Variants in LUZP2 observed in about 807,000 individuals in gnomAD.
LUZP2 encodes leucine zipper protein 2.
Under a neutral mutation model 51.6 loss-of-function variants are expected in LUZP2, and 52 were observed. The ratio of observed to expected loss-of-function variants is 1.01; its 90% CI spans 0.81 to 1.27. LUZP2 has a LOEUF of 1.27. Among genes scored for constraint, LUZP2 ranks in the 50% most tolerant of loss-of-function variants. LUZP2 has a pLI of 0.00. For synonymous variants in LUZP2, 154 were observed against 137.3 expected (o/e 1.12, Z -0.85); for missense variants, 436 against 395.4 (o/e 1.10, Z -0.87).
intron 5 of LUZP2, among the ~76,000 whole-genome samples, chr11:24,800,829 TA>T (rs1165532905): frequency 2.0e-5 from 3 of 152,164 alleles, no homozygotes; most frequent in Non-Finnish European, 4.4e-5. Context: ...GAATTTTTTC[TA>T]AAACCCTGCA....
chr11:24,726,263 C>G (rs1388332339), intron 1 of LUZP2, among the ~76,000 whole-genome samples: 1 of 152,068 alleles, frequency 6.6e-6, no homozygotes, highest in East Asian at 1.9e-4. Context: ...ATTTTTCACT[C>G]ATGCCATTAG....
At chr11:24,904,535 A>G (rs10834543) in intron 5 of LUZP2, among the ~76,000 whole-genome samples, 90,328 of 151,848 alleles carry the variant, frequency 0.59, 27,685 homozygotes, top group East Asian at 0.78. Flanking sequence ...CACCCGCCTC[A>G]GCCTCCCAAA....
At chr11:24,593,939 G>A (rs1031708113) in intron 1 of LUZP2, among the ~76,000 whole-genome samples, 12 of 152,110 alleles carry the variant, frequency 7.9e-5, no homozygotes, top group Non-Finnish European at 1.5e-4. Context: ...GCCAAACCAT[G>A]TATTACTTAA....
intron 5 of LUZP2, among the ~76,000 whole-genome samples, chr11:24,817,011 T>C (rs1850203978): frequency 6.6e-6 from 1 of 152,072 alleles, no homozygotes; most frequent in South Asian, 2.1e-4. Context: ...GAAGCGTAAA[T>C]TCTTAAAATA....
chr11:24,559,553 A>C (rs998101749), intron 1 of LUZP2, among the ~76,000 whole-genome samples: 3 of 152,196 alleles, frequency 2.0e-5, no homozygotes, highest in Admixed American at 2.0e-4. Context: ...ATATATTCTC[A>C]CATCTTTTCC....
chr11:24,905,591 A>G (rs956918666), intron 5 of LUZP2, among the ~76,000 whole-genome samples: 33 of 152,156 alleles, frequency 2.2e-4, no homozygotes, highest in African/African-American at 8.0e-4. Context: ...AATGGACCTC[A>G]TGGACATTGA....
intron 1 of LUZP2, among the ~76,000 whole-genome samples, chr11:24,616,444 GTAT>G (rs910454238): frequency 5.6e-5 from 8 of 141,716 alleles, no homozygotes; most frequent in Non-Finnish European, 1.1e-4. Context: ...TTGTTTGGTG[GTAT>G]TGTGTGTGTG....
chr11:24,853,093 G>A (rs554572328), intron 5 of LUZP2, among the ~76,000 whole-genome samples: 86 of 152,232 alleles, frequency 5.6e-4, no homozygotes, highest in African/African-American at 2.0e-3. Flanking sequence ...ATATTGTTAT[G>A]TGTGAATTTT....
intron 7 of LUZP2, among the ~76,000 whole-genome samples, chr11:24,963,299 C>T (rs1446335155): frequency 2.0e-5 from 3 of 152,180 alleles, no homozygotes; most frequent in Admixed American, 6.5e-5. Flanking sequence ...TCAAAGCTGT[C>T]AGACAGGGAC....
intron 7 of LUZP2, among the ~76,000 whole-genome samples, chr11:24,954,756 C>A (rs549004125): frequency 6.6e-6 from 1 of 152,106 alleles, no homozygotes; most frequent in South Asian, 2.1e-4. Context: ...CCATACCAAT[C>A]ATTTTATATT....
intron 9 of LUZP2, among the ~76,000 whole-genome samples, chr11:25,008,670 A>G (rs1856901910): frequency 6.6e-6 from 1 of 152,156 alleles, no homozygotes; most frequent in South Asian, 2.1e-4. Flanking sequence ...ACAAAGAAGA[A>G]TGAGGTTATG....
chr11:24,565,140 T>C (rs1852173714), intron 1 of LUZP2, among the ~76,000 whole-genome samples: 1 of 152,192 alleles, frequency 6.6e-6, no homozygotes, highest in Non-Finnish European at 1.5e-5. Flanking sequence ...ATTGGGATTG[T>C]CACTGATGTA....
intron 1 of LUZP2, among the ~76,000 whole-genome samples, chr11:24,546,470 T>G (rs2403958): frequency 1 from 151,475 of 152,188 alleles, 75,383 homozygotes; most frequent in East Asian, 1. Context: ...TTTCTTGAGG[T>G]TTTTTAACAT....
intron 9 of LUZP2, among the ~76,000 whole-genome samples, chr11:25,001,208 G>A (rs770737756): frequency 6.6e-6 from 1 of 152,156 alleles, no homozygotes; most frequent in African/African-American, 2.4e-5. Context: ...TATTAACTGA[G>A]AATTGGTATA....
At chr11:24,511,488 G>A (rs1850310768) in intron 1 of LUZP2, among the ~76,000 whole-genome samples, 1 of 152,238 alleles carries the variant, frequency 6.6e-6, no homozygotes, top group East Asian at 1.9e-4. Context: ...GTTTACATCA[G>A]TTGGATATTT....
chr11:24,803,389 A>C (rs1016364263), intron 5 of LUZP2, among the ~76,000 whole-genome samples: 1 of 152,062 alleles, frequency 6.6e-6, no homozygotes, highest in African/African-American at 2.4e-5. Flanking sequence ...TAAAATAACA[A>C]GTGTTAGCCA....
intron 1 of LUZP2, among the ~76,000 whole-genome samples, chr11:24,690,819 G>A (rs1187677797): frequency 6.6e-6 from 1 of 152,014 alleles, no homozygotes; most frequent in East Asian, 1.9e-4. Context: ...ACATGTTCTA[G>A]ATGCTGAACA....
At position 24,546,369 on chromosome 11, in the gene LUZP2, G is replaced by C. The variant is rs181351817; in HGVS notation, c.62+49064G>C. Among the ~76,000 whole-genome samples the C allele has an allele frequency of 2.1e-4, 32 of 152,142 alleles. No individual in the cohort carries two copies. In the South Asian group the frequency reaches 3.1e-3, roughly 15 times the overall value. On this transcript the variant is annotated intron_variant, in intron 1 of 11. Transcript: ENST00000336930. ...ATCCCTGTCTGTTGCCAGTTTTCAA[G>C]GGAAATGCTTCCAGCTCCTCCCTGT...
intron 1 of LUZP2, among the ~76,000 whole-genome samples, chr11:24,540,097 A>G (rs1280819505): frequency 2.0e-5 from 3 of 152,110 alleles, no homozygotes; most frequent in Admixed American, 6.6e-5. Context: ...ATATTACCAT[A>G]TGAAACTTGC....
Sources: gnomAD v4.1 joint callset for allele counts (sites outside exome capture counted in the v4.1 genomes callset) on GRCh38, gnomAD v4.1.1 for gene constraint, MANE v1.5 for transcripts, NCBI Gene and HGNC (gene_info 2026-07-23, HGNC 2026-07-21) for gene names.